Variants in SUCLG2 observed in about 807,000 individuals in gnomAD.
The protein encoded by SUCLG2 is succinate--CoA ligase [GDP-forming] subunit beta, mitochondrial.
SUCLG2 carries 42 observed loss-of-function variants against 47.9 expected under a neutral mutation model. The observed-to-expected ratio is 0.88, with a 90% CI of 0.69 to 1.14. SUCLG2 has a LOEUF of 1.14. SUCLG2 is among the 50% of genes most tolerant of loss of function. The pLI is 0.00. For synonymous variants in SUCLG2, 195 were observed against 197.3 expected (o/e 0.99, Z 0.10); for missense variants, 571 against 525.9 (o/e 1.09, Z -0.84).
Position 67,497,052 on chromosome 3 carries a change from C to G in SUCLG2, c.919+1082G>C, listed in dbSNP as rs115344589. Among the ~76,000 whole-genome samples, 1,019 of 152,244 alleles carry G rather than the reference C, an allele frequency of 6.7e-3. 17 individuals are homozygous for G. Among genetic ancestry groups the G allele is most frequent in the African/African-American group, 0.024 (983 of 41,558 alleles). ...ATCTGTATTTAATTTGGTTTAAACCCATATACCTTTCCCCTTTCTAAATGC... is the reference window on the plus strand; with the variant it reads ...ATCTGTATTTAATTTGGTTTAAACCGATATACCTTTCCCCTTTCTAAATGC... On this transcript the variant is annotated intron_variant, in intron 8 of 10. Transcript: ENST00000307227.
chr3:67,362,289 CTG>C (rs1701815482), intron 10 of SUCLG2, among the ~76,000 whole-genome samples: 1 of 152,122 alleles, frequency 6.6e-6, no homozygotes, highest in South Asian at 2.1e-4. Flanking sequence ...CTGCCTGGAG[CTG>C]TCTCTTATGC....
At chr3:67,381,400 C>G (rs955552680) in intron 10 of SUCLG2, among the ~76,000 whole-genome samples, 8 of 152,074 alleles carry the variant, frequency 5.3e-5, no homozygotes, top group African/African-American at 1.9e-4. Context: ...ATCTATTCCC[C>G]AACCCTCTCC....
At chr3:67,540,856 C>G (rs1706685922) in intron 2 of SUCLG2, among the ~76,000 whole-genome samples, 1 of 152,230 alleles carries the variant, frequency 6.6e-6, no homozygotes, top group Non-Finnish European at 1.5e-5. Context: ...AAGGAACACA[C>G]AGCAGTCTTT....
At chr3:67,483,367 C>T (rs1238183367) in intron 9 of SUCLG2, among the ~76,000 whole-genome samples, 3 of 152,304 alleles carry the variant, frequency 2.0e-5, no homozygotes, top group Non-Finnish European at 4.4e-5. Flanking sequence ...TACCCACAAA[C>T]TCCAACTCCA....
At chr3:67,555,040 G>T (rs747744281) in intron 2 of SUCLG2, among the ~76,000 whole-genome samples, 8 of 152,140 alleles carry the variant, frequency 5.3e-5, no homozygotes, top group Admixed American at 4.6e-4. Context: ...AACTGAAGAT[G>T]TTGGAGAGCA....
At chr3:67,541,450 C>A (rs1706708328) in intron 2 of SUCLG2, among the ~76,000 whole-genome samples, 1 of 151,870 alleles carries the variant, frequency 6.6e-6, no homozygotes, top group African/African-American at 2.4e-5. Flanking sequence ...AAGATCAACT[C>A]AATGAAGATT....
intron 10 of SUCLG2, among the ~76,000 whole-genome samples, chr3:67,368,512 AATTTC>A (rs1273943119): frequency 6.6e-6 from 1 of 151,918 alleles, no homozygotes; most frequent in East Asian, 1.9e-4. Flanking sequence ...TAGTTCCTTT[AATTTC>A]TTTATTTCCC....
intron 1 of SUCLG2, among the ~76,000 whole-genome samples, chr3:67,650,127 G>C (rs1231732880): frequency 6.6e-6 from 1 of 152,152 alleles, no homozygotes; most frequent in African/African-American, 2.4e-5. Flanking sequence ...AGAAATTGCA[G>C]CTGTACTTCA....
chr3:67,462,880 A>C (rs1704373181), intron 9 of SUCLG2, among the ~76,000 whole-genome samples: 1 of 152,138 alleles, frequency 6.6e-6, no homozygotes, highest in South Asian at 2.1e-4. Context: ...AACTGAATTT[A>C]GATAGAGGAT....
chr3:67,613,349 G>A (rs941414841), intron 1 of SUCLG2, among the ~76,000 whole-genome samples: 3 of 152,154 alleles, frequency 2.0e-5, no homozygotes, highest in Non-Finnish European at 4.4e-5. Context: ...AAGGGTCTTA[G>A]GAACTGTGTG....
chr3:67,547,707 G>A (rs1706904851), intron 2 of SUCLG2, among the ~76,000 whole-genome samples: 2 of 147,134 alleles, frequency 1.4e-5, no homozygotes, highest in Middle Eastern at 3.5e-3. Flanking sequence ...TTATGCAAAG[G>A]GAACAATTTT....
At chr3:67,600,449 C>T (rs566392288) in intron 2 of SUCLG2, among the ~76,000 whole-genome samples, 3 of 152,202 alleles carry the variant, frequency 2.0e-5, no homozygotes, top group Admixed American at 1.3e-4. Flanking sequence ...TATTATTATC[C>T]CCTATTTTAT....
At chr3:67,551,649 G>A (rs1278807423) in intron 2 of SUCLG2, among the ~76,000 whole-genome samples, 1 of 152,270 alleles carries the variant, frequency 6.6e-6, no homozygotes, top group African/African-American at 2.4e-5. Context: ...CTTGGCTGGC[G>A]TTTTGTGGAG....
intron 7 of SUCLG2, among the ~76,000 whole-genome samples, chr3:67,503,045 G>A (rs990354102): frequency 6.6e-6 from 1 of 152,156 alleles, no homozygotes; most frequent in Admixed American, 6.6e-5. Context: ...CTATTTTTAT[G>A]AATAACAGAT....
At chr3:67,456,347 G>A (rs562517935) in intron 9 of SUCLG2, among the ~76,000 whole-genome samples, 3 of 152,110 alleles carry the variant, frequency 2.0e-5, no homozygotes, top group South Asian at 2.1e-4. Context: ...TCAGCAAAGC[G>A]AAAGGAAAAA....
downstream of SUCLG2, among the ~76,000 whole-genome samples, chr3:67,370,148 T>G (rs1701933400): frequency 6.6e-6 from 1 of 152,180 alleles, no homozygotes; most frequent in Non-Finnish European, 1.5e-5. Context: ...CCATACAAAT[T>G]ATGTAACATT....
chr3:67,601,307 T>G (rs1232371264), intron 2 of SUCLG2, among the ~76,000 whole-genome samples: 1 of 152,212 alleles, frequency 6.6e-6, no homozygotes, highest in Non-Finnish European at 1.5e-5. Flanking sequence ...AGTAATGAGA[T>G]TAGAAGATAT....
chr3:67,519,148 G>T (rs996109401), intron 5 of SUCLG2, among the ~76,000 whole-genome samples: 1 of 151,948 alleles, frequency 6.6e-6, no homozygotes, highest in African/African-American at 2.4e-5. Context: ...TTTTCTCTGG[G>T]TCCCCCGGTT....
chr3:67,375,177 A>T lies in SUCLG2; in HGVS notation c.*567T>A, dbSNP rs1702010762. 2 of 985,590 alleles carry T rather than the reference A, an allele frequency of 2.0e-6. No homozygotes were observed. Among genetic ancestry groups the T allele is most frequent in the South Asian group, 9.4e-5 (2 of 21,292 alleles). The allele number at this position is 985,590 out of a possible 1,614,324, so 61.1% of individuals were successfully genotyped here. A position where few individuals can be genotyped will look rare whatever the true frequency, so the allele number is the denominator to read the frequency against. ...TCCATTATTAAATATATTTTGGAAT[A>T]CTCACGGATTTTTCAAACATATGTT... On this transcript the variant is annotated 3_prime_UTR_variant, in exon 11 of 11. Transcript: ENST00000307227.
Sources: allele counts gnomAD v4.1 joint callset (sites outside exome capture counted in the v4.1 genomes callset), GRCh38; gene constraint gnomAD v4.1.1; transcripts MANE v1.5; gene names NCBI Gene and HGNC (gene_info 2026-07-23, HGNC 2026-07-21).